ST6GAL1: variants seen among roughly 807,000 people sequenced by gnomAD.
The protein encoded by ST6GAL1 is ST6 beta-galactoside alpha-2,6-sialyltransferase 1.
Under a neutral mutation model 38.0 loss-of-function variants are expected in ST6GAL1, and 20 were observed. The observed-to-expected ratio is 0.53, with a 90% CI of 0.37 to 0.77. ST6GAL1 has a LOEUF of 0.77. Among genes scored for constraint, ST6GAL1 ranks in the 30% least tolerant of loss-of-function variants. ST6GAL1 has a pLI of 0.00. For missense variants in ST6GAL1, 432 were observed against 496.4 expected, an observed-to-expected ratio of 0.87 and a Z score of 1.23; for synonymous variants, 196 against 188.2, an observed-to-expected ratio of 1.04 and a Z score of -0.34.
intron 1 of ST6GAL1, among the ~76,000 whole-genome samples, chr3:186,959,236 T>C (rs1579271741): frequency 6.6e-6 from 1 of 152,362 alleles, no homozygotes; most frequent in Non-Finnish European, 1.5e-5. Context: ...CTCACCCATG[T>C]ACTCAGTGTG....
chr3:187,071,791 A>G (rs1378383341), intron 5 of ST6GAL1, among the ~76,000 whole-genome samples: 9 of 149,758 alleles, frequency 6.0e-5, no homozygotes, highest in South Asian at 2.1e-4. Context: ...AAAAAAAAAA[A>G]AAAAGAAAAA....
At chr3:187,046,848 AAGTAACAATAGAT>A in intron 4 of ST6GAL1, among the ~76,000 whole-genome samples, 1 of 152,376 alleles carries the variant, frequency 6.6e-6, no homozygotes, top group East Asian at 1.9e-4. Context: ...TGTACTGCAG[AAGTAACAATAGAT>A]AGTAGTAAAT....
Position 187,055,091 on chromosome 3 carries a change from G to A in ST6GAL1, c.705+3745G>A, listed in dbSNP as rs188793465. Among the ~76,000 whole-genome samples the A allele has an allele frequency of 1.7e-3, 263 of 152,254 alleles. 2 individuals carry two copies. The highest frequency in any genetic ancestry group is 5.9e-3 in the African/African-American group (246 of 41,548). ...TTTTCTAGTTTATTTGCATAGAGGT[G>A]TTTATAGTATTCTCTGATGGTAGTT... On this transcript the variant is annotated intron_variant, in intron 5 of 7. Transcript: ENST00000169298.
At chr3:187,018,417 A>G (rs1204559153) in intron 2 of ST6GAL1, among the ~76,000 whole-genome samples, 1 of 151,938 alleles carries the variant, frequency 6.6e-6, no homozygotes, top group East Asian at 1.9e-4. Flanking sequence ...AGGAGTATTG[A>G]CTCACACGGT....
intron 4 of ST6GAL1, among the ~76,000 whole-genome samples, chr3:187,048,119 A>AT (rs1184400694): frequency 6.6e-6 from 1 of 151,526 alleles, no homozygotes; most frequent in Non-Finnish European, 1.5e-5. Flanking sequence ...ATTTTTTTGT[A>AT]TTTTTAGTAG....
chr3:187,008,034 A>G (rs1036432400), intron 2 of ST6GAL1, among the ~76,000 whole-genome samples: 7 of 152,212 alleles, frequency 4.6e-5, no homozygotes, highest in Non-Finnish European at 1.0e-4. Context: ...CTGTGGGACA[A>G]TGTCAAAAGG....
intron 2 of ST6GAL1, among the ~76,000 whole-genome samples, chr3:187,023,476 G>C (rs150179507): frequency 3.9e-4 from 60 of 152,274 alleles, no homozygotes; most frequent in African/African-American, 1.4e-3. Flanking sequence ...CCTATAGCTT[G>C]GAACCAACCC....
chr3:187,024,487 TATATATAGAGAGAG>T (rs1560166725), intron 2 of ST6GAL1, among the ~76,000 whole-genome samples: 4 of 68,142 alleles, frequency 5.9e-5, no homozygotes, highest in Admixed American at 1.4e-4. Context: ...TATATATATA[TATATATAGAGAGAG>T]AGAGAGAGAG....
chr3:187,047,763 A>C (rs1414143411), intron 4 of ST6GAL1, among the ~76,000 whole-genome samples: 1 of 151,992 alleles, frequency 6.6e-6, no homozygotes, highest in Non-Finnish European at 1.5e-5. Flanking sequence ...TTTTCTCTTT[A>C]AGTACCCAAG....
At chr3:186,975,447 A>C (rs972058817) in intron 2 of ST6GAL1, among the ~76,000 whole-genome samples, 4 of 152,160 alleles carry the variant, frequency 2.6e-5, no homozygotes, top group African/African-American at 9.7e-5. Context: ...TGAGGCAAGG[A>C]AAGAAGAAGT....
intron 2 of ST6GAL1, among the ~76,000 whole-genome samples, chr3:186,978,716 C>A (rs947551510): frequency 1.3e-5 from 2 of 152,192 alleles, no homozygotes; most frequent in African/African-American, 2.4e-5. Context: ...TCCACCAGTC[C>A]CAGTTGCTTG....
At chr3:186,931,023 C>G (rs1451801106) in intron 1 of ST6GAL1, 189 bp downstream of exon 1, 1 of 152,614 alleles carries the variant, frequency 6.6e-6, no homozygotes, top group Non-Finnish European at 1.5e-5. Context: ...GGGGTGTGTG[C>G]ATTTTTGTCA....
At chr3:186,985,787 A>AAT (rs397713925) in intron 2 of ST6GAL1, among the ~76,000 whole-genome samples, 1 of 150,650 alleles carries the variant, frequency 6.6e-6, no homozygotes, top group Non-Finnish European at 1.5e-5. Context: ...AAAAAAAAAA[A>AAT]GAAAAAAGAA....
At chr3:187,027,752 C>T (rs969216550) in intron 2 of ST6GAL1, among the ~76,000 whole-genome samples, 2 of 151,904 alleles carry the variant, frequency 1.3e-5, no homozygotes, top group South Asian at 2.1e-4. Context: ...GAGAGCTGAC[C>T]GCAAGATGCT....
rs954091715 is a variant in ST6GAL1, at chr3:187,017,591, A to G, written c.-182-21151A>G. On this transcript the variant is annotated intron_variant, in intron 2 of 7. Coordinates refer to ENST00000169298, the MANE Select transcript of ST6GAL1 (RefSeq NM_173216.2). ...TCCCCTTTTTCTTTGTAGGGGGTCC[A>G]TTTGGCCTTGGACGGGTTCTAGCAA... Among the ~76,000 whole-genome samples, 8 of 152,248 alleles carry G rather than the reference A, an allele frequency of 5.3e-5. 1 individual carries two copies. Among genetic ancestry groups the G allele is most frequent in the African/African-American group, 1.9e-4 (8 of 41,546 alleles).
intron 5 of ST6GAL1, among the ~76,000 whole-genome samples, chr3:187,058,621 T>G (rs962827735): frequency 2.4e-5 from 3 of 125,480 alleles, no homozygotes; most frequent in African/African-American, 1.0e-4. Context: ...ATTTTGGCTT[T>G]TGGTATTACT....
intron 2 of ST6GAL1, among the ~76,000 whole-genome samples, chr3:187,023,050 T>G (rs1348543570): frequency 1.3e-5 from 2 of 152,164 alleles, no homozygotes; most frequent in Non-Finnish European, 2.9e-5. Flanking sequence ...ATGATGAGGG[T>G]GTAACCTCCT....
chr3:187,063,136 C>T (rs1048005743), intron 5 of ST6GAL1, among the ~76,000 whole-genome samples: 11 of 152,208 alleles, frequency 7.2e-5, no homozygotes, highest in Admixed American at 3.9e-4. Context: ...TTTAAATCAA[C>T]AGGGAGAAAC....
At chr3:186,951,877 G>T (rs577970778) in intron 1 of ST6GAL1, among the ~76,000 whole-genome samples, 1 of 152,164 alleles carries the variant, frequency 6.6e-6, no homozygotes, top group East Asian at 1.9e-4. Flanking sequence ...CAGATTCGGC[G>T]TCTGGTGAGA....
Sources: allele counts gnomAD v4.1 joint callset (sites outside exome capture counted in the v4.1 genomes callset), GRCh38; gene constraint gnomAD v4.1.1; transcripts MANE v1.5; gene names NCBI Gene and HGNC (gene_info 2026-07-23, HGNC 2026-07-21).